Variants in CADPS observed in about 807,000 individuals in gnomAD.
CADPS encodes calcium-dependent secretion activator 1.
Under a neutral mutation model 167.3 loss-of-function variants are expected in CADPS, and 57 were observed. The observed-to-expected ratio is 0.34, with a 90% CI of 0.28 to 0.42. The LOEUF (loss-of-function observed/expected upper bound fraction) is 0.42. Ranked by LOEUF, CADPS falls within the 20% of genes least tolerant of loss-of-function variation. The pLI is 1.00. For synonymous variants in CADPS, 676 were observed against 635.3 expected (o/e 1.06, Z -0.96); for missense variants, 1,414 against 1,738.1 (o/e 0.81, Z 3.32).
At chr3:62,802,910 T>A (rs1479557325) in intron 1 of CADPS, among the ~76,000 whole-genome samples, 5 of 152,218 alleles carry the variant, frequency 3.3e-5, no homozygotes, top group African/African-American at 1.2e-4. Context: ...CCCAAATAGG[T>A]CATTTCCAGC....
At chr3:62,496,043 G>A (rs1229577196) in intron 18 of CADPS, among the ~76,000 whole-genome samples, 1 of 151,520 alleles carries the variant, frequency 6.6e-6, no homozygotes, top group African/African-American at 2.4e-5. Context: ...TCCAAGCTTA[G>A]GATTTAGTCT....
chr3:62,870,339 T>C (rs745441671), intron 1 of CADPS, among the ~76,000 whole-genome samples: 52 of 152,140 alleles, frequency 3.4e-4, no homozygotes, highest in Admixed American at 1.8e-3. Flanking sequence ...CCTCAAAATA[T>C]ATCTGAGTAG....
chr3:62,716,201 A>G (rs1181711359), intron 3 of CADPS, among the ~76,000 whole-genome samples: 4 of 152,148 alleles, frequency 2.6e-5, no homozygotes, highest in Non-Finnish European at 4.4e-5. Context: ...CTGGGACTAC[A>G]GGCACTTGCC....
At chr3:62,704,433 T>A (rs532034502) in intron 3 of CADPS, among the ~76,000 whole-genome samples, 1 of 152,144 alleles carries the variant, frequency 6.6e-6, no homozygotes, top group African/African-American at 2.4e-5. Flanking sequence ...GTTGCTCACA[T>A]ACGATTTAAT....
chr3:62,831,625 A>G (rs1212124318), intron 1 of CADPS, among the ~76,000 whole-genome samples: 1 of 152,240 alleles, frequency 6.6e-6, no homozygotes, highest in African/African-American at 2.4e-5. Flanking sequence ...TCACAGATGT[A>G]GCATTTTAGA....
chr3:62,845,615 T>A (rs2077292515), intron 1 of CADPS, among the ~76,000 whole-genome samples: 1 of 152,214 alleles, frequency 6.6e-6, no homozygotes, highest in Non-Finnish European at 1.5e-5. Context: ...TTATTCTCTG[T>A]TGCCCTGAAG....
At chr3:62,579,244 T>C (rs1452257869) in intron 8 of CADPS, among the ~76,000 whole-genome samples, 6 of 152,216 alleles carry the variant, frequency 3.9e-5, no homozygotes. Context: ...CGAGCTCTAA[T>C]GCTTACTCTG....
rs552055926 is a variant in CADPS, at chr3:62,540,703, G to C, written c.1967-4122C>G. Among the ~76,000 whole-genome samples the C allele has an allele frequency of 2.0e-5, 3 of 152,206 alleles. No homozygotes were observed. In the East Asian group the frequency reaches 5.8e-4, roughly 29 times the overall value. ...TATTTTAAAATAAAACACTGCAGTG[G>C]TCCAGCTGTTCCAAATTCTGTTTCA... On this transcript the variant is annotated intron_variant, in intron 11 of 29. Transcript: ENST00000383710.
intron 8 of CADPS, among the ~76,000 whole-genome samples, chr3:62,583,312 T>A (rs147431687): frequency 1.3e-5 from 2 of 152,242 alleles, no homozygotes; most frequent in African/African-American, 4.8e-5. Context: ...CCTAACTGAA[T>A]TATCAACTCC....
chr3:62,607,986 G>GTGCA (rs1318125328), intron 6 of CADPS, among the ~76,000 whole-genome samples: 1 of 152,220 alleles, frequency 6.6e-6, no homozygotes, highest in Non-Finnish European at 1.5e-5. Flanking sequence ...TGGAGGCCAA[G>GTGCA]TGCATGACAT....
At chr3:62,466,232 G>A in intron 25 of CADPS, 107 bp downstream of exon 25, 1 of 721,488 alleles carries the variant, frequency 1.4e-6, no homozygotes, top group East Asian at 2.6e-5. Flanking sequence ...TTTCCTGAGA[G>A]ACACAAGTAT....
At chr3:62,559,999 A>G (rs1326724655) in intron 9 of CADPS, among the ~76,000 whole-genome samples, 3 of 113,430 alleles carry the variant, frequency 2.6e-5, no homozygotes, top group African/African-American at 1.0e-4. Context: ...TTCCTTTTCT[A>G]TTTCAGTGGC....
intron 3 of CADPS, among the ~76,000 whole-genome samples, chr3:62,668,964 C>T (rs1439447740): frequency 6.6e-6 from 1 of 152,204 alleles, no homozygotes; most frequent in Non-Finnish European, 1.5e-5. Context: ...TGTCTTGCTG[C>T]CTAGTGGCTG....
In CADPS at chr3:62,455,477, G is replaced by A. The variant is rs1271848536; in HGVS notation, c.3637-9680C>T. On this transcript the variant is annotated intron_variant, in intron 26 of 29. Coordinates refer to ENST00000383710, the MANE Select transcript of CADPS (RefSeq NM_003716.4). This position sits in a 1 kb window ranked among gnomAD's most constrained non-coding sequence, Gnocchi z 4.4. ...TGACATTATGGAGCTGGTATTTGAA[G>A]CATGGTTTCCTTGGACTCCAGGGTT... Among the ~76,000 whole-genome samples the A allele has an allele frequency of 6.6e-6, 1 of 152,150 alleles. No individual in the cohort carries two copies. The highest frequency in any genetic ancestry group is 1.5e-5 in the Non-Finnish European group (1 of 68,026).
chr3:62,650,761 G>C (rs1029907350), intron 5 of CADPS, 86 bp downstream of exon 5: 2 of 990,498 alleles, frequency 2.0e-6, no homozygotes, highest in Non-Finnish European at 3.1e-6. Flanking sequence ...GGGTGCAACA[G>C]AAAAAACAAG....
intron 4 of CADPS, 34 bp from the exon 5 acceptor site, chr3:62,651,114 G>GA: frequency 7.0e-7 from 1 of 1,426,004 alleles, no homozygotes; most frequent in Non-Finnish European, 9.8e-7. Flanking sequence ...GAGCAGAGGA[G>GA]AAAATAGAAA....
intron 1 of CADPS, among the ~76,000 whole-genome samples, chr3:62,783,916 A>G (rs1386457492): frequency 6.6e-6 from 1 of 152,234 alleles, no homozygotes. Context: ...GTGTGAATGC[A>G]CACATGCACA....
At chr3:62,557,363 T>G in intron 10 of CADPS, 42 bp downstream of exon 10, 1 of 1,344,622 alleles carries the variant, frequency 7.4e-7, no homozygotes, top group Non-Finnish European at 1.1e-6. Context: ...TTTGGGAAGG[T>G]TGAGGGTTTG....
chr3:62,659,424 C>T (rs1351456943), intron 4 of CADPS, among the ~76,000 whole-genome samples: 2 of 152,062 alleles, frequency 1.3e-5, no homozygotes, highest in Non-Finnish European at 2.9e-5. Context: ...TTCTTGGGAT[C>T]CAACTAAGCT....
Sources: gnomAD v4.1 joint callset for allele counts (sites outside exome capture counted in the v4.1 genomes callset) on GRCh38, gnomAD v4.1.1 for gene constraint, Gnocchi (gnomAD v3.1) non-coding constraint, MANE v1.5 for transcripts, NCBI Gene and HGNC (gene_info 2026-07-23, HGNC 2026-07-21) for gene names.